Variants in LARGE1 observed in about 807,000 individuals in gnomAD.
LARGE1 encodes the protein xylosyl- and glucuronyltransferase LARGE1.
Under a neutral mutation model 87.6 loss-of-function variants are expected in LARGE1, and 43 were observed. That is an observed-to-expected ratio of 0.49 (90% CI 0.38 to 0.63). The LOEUF is 0.63. LARGE1 is among the 30% of genes least tolerant of loss of function. LARGE1 has a pLI of 0.00. For synonymous variants in LARGE1, 434 were observed against 394.6 expected, an observed-to-expected ratio of 1.10 and a Z score of -1.18; for missense variants, 802 against 1,000.2, an observed-to-expected ratio of 0.80 and a Z score of 2.67.
At chr22:33,784,303 A>G (rs1466496897) in intron 1 of LARGE1, among the ~76,000 whole-genome samples, 1 of 152,166 alleles carries the variant, frequency 6.6e-6, no homozygotes, top group Non-Finnish European at 1.5e-5. Flanking sequence ...CTAAAATCCA[A>G]CCCTGTAAAT....
At chr22:33,441,347 T>C (rs1378902596) in intron 6 of LARGE1, among the ~76,000 whole-genome samples, 1 of 152,006 alleles carries the variant, frequency 6.6e-6, no homozygotes, top group African/African-American at 2.4e-5. Flanking sequence ...GTGCTGGGAT[T>C]ACAGACATGA....
intron 1 of LARGE1, among the ~76,000 whole-genome samples, chr22:33,774,130 T>C (rs1394273156): frequency 6.6e-6 from 1 of 152,164 alleles, no homozygotes; most frequent in Non-Finnish European, 1.5e-5. Flanking sequence ...CATTATTCAA[T>C]ATGCTACTGC....
Position 33,384,293 on chromosome 22 carries a change from A to G in LARGE1, c.904T>C (p.Leu302=), listed in dbSNP as rs755445182. The stretch of plus-strand genomic sequence containing the variant: ...ATCTTCCGCAGCTTATCCAGAAGTA[A>G]CAGGATCACCCCTGGGCAACAGCAC... ...GRGYNTGVIL[L]LLDKLRKMKW... is the part of the protein sequence containing the mutation. The change falls in exon 8 of 15, where the codon TTA becomes CTA. Residue 302 remains leucine, a synonymous_variant. Coordinates refer to ENST00000397394, the MANE Select transcript of LARGE1 (RefSeq NM_133642.5). The G allele has an allele frequency of 1.2e-5, 20 of 1,613,464 alleles. No individual in the cohort carries two copies. The East Asian group carries it at 4.5e-4, about 36-fold the overall frequency.
the LARGE1 span, among the ~76,000 whole-genome samples, chr22:33,124,655 CT>C: frequency 6.6e-6 from 1 of 152,158 alleles, no homozygotes; most frequent in Non-Finnish European, 1.5e-5. Context: ...CTCTTCACTC[CT>C]GGCTGACTCA....
At chr22:33,408,415 A>T (rs1017574912) in intron 7 of LARGE1, among the ~76,000 whole-genome samples, 33 of 152,146 alleles carry the variant, frequency 2.2e-4, no homozygotes, top group African/African-American at 8.0e-4. Context: ...CCTTGCACAC[A>T]TGTTTTTGTG....
intron 1 of LARGE1, among the ~76,000 whole-genome samples, chr22:33,840,133 A>G (rs1171101614): frequency 6.6e-6 from 1 of 152,242 alleles, no homozygotes; most frequent in African/African-American, 2.4e-5. Flanking sequence ...CATACTAACT[A>G]GGTTTAGGAT....
intron 6 of LARGE1, among the ~76,000 whole-genome samples, chr22:33,521,806 G>C (rs1475835846): frequency 6.6e-6 from 1 of 152,194 alleles, no homozygotes; most frequent in African/African-American, 2.4e-5. Flanking sequence ...CTGCTATAAA[G>C]GAATACCTGA....
chr22:33,718,563 T>A (rs1169481296), intron 2 of LARGE1, among the ~76,000 whole-genome samples: 1 of 152,222 alleles, frequency 6.6e-6, no homozygotes, highest in Non-Finnish European at 1.5e-5. Context: ...ACATGAGCTT[T>A]TTGGCTCGCC....
intron 7 of LARGE1, among the ~76,000 whole-genome samples, chr22:33,396,681 G>C (rs911712233): frequency 6.6e-6 from 1 of 152,142 alleles, no homozygotes; most frequent in East Asian, 1.9e-4. Flanking sequence ...CTGCCCGAGA[G>C]AGCTTGGAGG....
chr22:33,309,995 AG>A (rs1300551813), intron 11 of LARGE1, among the ~76,000 whole-genome samples: 22 of 152,178 alleles, frequency 1.4e-4, no homozygotes, highest in African/African-American at 5.1e-4. Flanking sequence ...TGTTACATGG[AG>A]AAAAAATTAC....
Position 33,665,145 on chromosome 22 carries a change from G to A in LARGE1, c.107-14477C>T, listed in dbSNP as rs545764109. 2.6e-5 allele frequency among the ~76,000 whole-genome samples: 4 copies of A among 152,312 alleles called. No individual in the cohort carries two copies. The South Asian group carries it at 8.3e-4, about 32-fold the overall frequency. Reference sequence around the variant, plus strand: ...AATACCATTCTTCAGAGCAGCATCTGTAAGCCAACCTTTAAAACCCCATCT... The same window carrying A: ...AATACCATTCTTCAGAGCAGCATCTATAAGCCAACCTTTAAAACCCCATCT... On this transcript the variant is annotated intron_variant, in intron 2 of 14. Coordinates refer to ENST00000397394, the MANE Select transcript of LARGE1 (RefSeq NM_133642.5).
In LARGE1 at chr22:33,912,426, T is replaced by A. The variant is rs576421203; in HGVS notation, c.-83+7569A>T. 2.0e-4 allele frequency among the ~76,000 whole-genome samples: 30 copies of A among 152,324 alleles called. 1 individual carries two copies. The South Asian group carries it at 5.6e-3, about 28-fold the overall frequency. On this transcript the variant is annotated intron_variant, in intron 1 of 14. Transcript: ENST00000397394. ...GCCCACGTTCTGCTGTAAATCTTCC[T>A]AAATTCTATGGCTACCATGGAGAGC...
In LARGE1 at chr22:33,611,208, G is replaced by A. The variant is rs201245121; in HGVS notation, c.492-6650C>T. ...GAGCTGTGGGAAGGGGGCCACTATC[G>A]TCCACATTCTAGAATGGTAGATCCA... is the stretch of plus-strand genomic sequence containing the variant. On this transcript the variant is annotated intron_variant, in intron 4 of 14. Coordinates refer to ENST00000397394, the MANE Select transcript of LARGE1 (RefSeq NM_133642.5). Among the ~76,000 whole-genome samples, 11 of 151,660 alleles carry A rather than the reference G, an allele frequency of 7.3e-5. No individual in the cohort carries two copies. In the East Asian group the frequency reaches 7.9e-4, roughly 11 times the overall value.
chr22:33,682,224 C>T (rs1393644290), intron 2 of LARGE1, among the ~76,000 whole-genome samples: 1 of 152,048 alleles, frequency 6.6e-6, no homozygotes, highest in Non-Finnish European at 1.5e-5. Flanking sequence ...GCAGGCTCTC[C>T]CTATACAGAG....
chr22:33,300,454 T>C (rs541940515), intron 12 of LARGE1, among the ~76,000 whole-genome samples: 1 of 152,316 alleles, frequency 6.6e-6, no homozygotes, highest in East Asian at 1.9e-4. Flanking sequence ...TGGCTCACTC[T>C]AGCTTCAGCT....
At chr22:33,089,176 C>A in the LARGE1 span, among the ~76,000 whole-genome samples, 1 of 152,204 alleles carries the variant, frequency 6.6e-6, no homozygotes. Flanking sequence ...GTTAAGACAA[C>A]TCTTCTTGCT....
At chr22:33,338,138 C>G (rs1938700890) in intron 9 of LARGE1, among the ~76,000 whole-genome samples, 1 of 152,090 alleles carries the variant, frequency 6.6e-6, no homozygotes, top group Non-Finnish European at 1.5e-5. Context: ...CACGACTCTA[C>G]AAACCCTAAT....
At chr22:33,778,513 C>G (rs770514312) in intron 1 of LARGE1, among the ~76,000 whole-genome samples, 3 of 152,178 alleles carry the variant, frequency 2.0e-5, no homozygotes, top group Non-Finnish European at 4.4e-5. Flanking sequence ...CCAACATCTG[C>G]TTTCTGCCTC....
chr22:33,269,295 C>A (rs963531220), downstream of LARGE1, among the ~76,000 whole-genome samples: 2 of 152,124 alleles, frequency 1.3e-5, no homozygotes, highest in East Asian at 3.9e-4. Flanking sequence ...ATAAATGAAA[C>A]TAAAACAAAA....
Sources: gnomAD v4.1 joint callset for allele counts (sites outside exome capture counted in the v4.1 genomes callset) on GRCh38, gnomAD v4.1.1 for gene constraint, MANE v1.5 for transcripts, NCBI Gene and HGNC (gene_info 2026-07-23, HGNC 2026-07-21) for gene names.